The following PTPRM variants were observed in gnomAD, a reference collection of about 807,000 sequenced individuals.
PTPRM encodes the protein receptor-type tyrosine-protein phosphatase mu.
Under a neutral mutation model 186.7 loss-of-function variants are expected in PTPRM, and 47 were observed. That is an observed-to-expected ratio of 0.25 (90% CI 0.20 to 0.32). The LOEUF is 0.32. Ranked by LOEUF, PTPRM falls within the 10% of genes least tolerant of loss-of-function variation. The pLI, the probability that PTPRM is intolerant of heterozygous loss-of-function variation, is 1.00. For synonymous variants in PTPRM, 668 were observed against 674.9 expected, an observed-to-expected ratio of 0.99 and a Z score of 0.16; for missense variants, 1,494 against 1,865.0, an observed-to-expected ratio of 0.80 and a Z score of 3.66.
intron 7 of PTPRM, among the ~76,000 whole-genome samples, chr18:8,013,974 T>A (rs1168716585): frequency 6.6e-6 from 1 of 152,130 alleles, no homozygotes. Flanking sequence ...AAACATATCA[T>A]CCCGAAACTC....
chr18:7,802,288 C>G (rs1053830670), intron 2 of PTPRM, among the ~76,000 whole-genome samples: 2 of 152,190 alleles, frequency 1.3e-5, no homozygotes, highest in Non-Finnish European at 2.9e-5. Flanking sequence ...TGTGCTCTCT[C>G]TTTCCAAGGG....
intron 19 of PTPRM, among the ~76,000 whole-genome samples, chr18:8,254,344 T>A (rs2094555211): frequency 6.6e-6 from 1 of 152,232 alleles, no homozygotes; most frequent in Non-Finnish European, 1.5e-5. Flanking sequence ...AATTAATTGA[T>A]TGAAGAAATC....
intron 1 of PTPRM, among the ~76,000 whole-genome samples, chr18:7,665,023 G>A (rs57233839): frequency 0.023 from 3,498 of 152,152 alleles, 139 homozygotes; most frequent in African/African-American, 0.08. Context: ...CCTGTGGGCT[G>A]GTGTCCATGG....
intron 19 of PTPRM, among the ~76,000 whole-genome samples, chr18:8,274,862 C>T (rs2094815447): frequency 1.3e-5 from 2 of 152,168 alleles, no homozygotes; most frequent in African/African-American, 2.4e-5. Flanking sequence ...GAAGAACTCA[C>T]TGGGATTTTG....
chr18:8,041,178 C>T (rs867559419), intron 7 of PTPRM, among the ~76,000 whole-genome samples: 55 of 152,164 alleles, frequency 3.6e-4, no homozygotes, highest in Admixed American at 3.9e-4. Context: ...CCTGGCTTTG[C>T]TCAAGGATGG....
At chr18:8,275,290 A>C (rs1487233642) in intron 19 of PTPRM, among the ~76,000 whole-genome samples, 2 of 152,092 alleles carry the variant, frequency 1.3e-5, no homozygotes, top group Non-Finnish European at 2.9e-5. Context: ...AAGAAAAATT[A>C]AAAAATTAGC....
At chr18:8,061,358 G>A (rs1359919101) in intron 7 of PTPRM, among the ~76,000 whole-genome samples, 13 of 138,866 alleles carry the variant, frequency 9.4e-5, no homozygotes, top group East Asian at 4.0e-4. Context: ...GTCTCTGCAC[G>A]TGAGATGGGT....
chr18:8,251,914 C>G (rs1361694944), intron 17 of PTPRM: 1 of 152,276 alleles, frequency 6.6e-6, no homozygotes, highest in African/African-American at 2.4e-5. Flanking sequence ...TTTTAAGTGA[C>G]TTTAGCATTA....
At chr18:7,762,965 T>A (rs1361600141) in intron 1 of PTPRM, among the ~76,000 whole-genome samples, 1 of 152,182 alleles carries the variant, frequency 6.6e-6, no homozygotes, top group Non-Finnish European at 1.5e-5. Context: ...CCTATTTCCC[T>A]GGGAGTTAGG....
At chr18:8,403,589 C>T (rs550971195) in intron 32 of PTPRM, 1 of 152,238 alleles carries the variant, frequency 6.6e-6, no homozygotes, top group African/African-American at 2.4e-5. Context: ...AAAAAAATCC[C>T]CTTTTAAAGT....
rs79795554 is a variant in PTPRM, at chr18:8,109,720, G to T, written c.1857-3766G>T. The stretch of plus-strand genomic sequence containing the variant: ...GTTGTTTAAGGCAAACTAGAGCAGT[G>T]CCTGACACCTATTAGGCACTCAAAA... On this transcript the variant is annotated intron_variant, in intron 11 of 32. Coordinates refer to ENST00000580170, the MANE Select transcript of PTPRM (RefSeq NM_001105244.2). Among the ~76,000 whole-genome samples the T allele has an allele frequency of 7.0e-3, 1,072 of 152,238 alleles. 12 individuals carry two copies. The highest frequency in any genetic ancestry group is 0.025 in the African/African-American group (1,019 of 41,538).
chr18:7,851,731 T>A (rs1486636077), intron 2 of PTPRM, among the ~76,000 whole-genome samples: 2 of 152,038 alleles, frequency 1.3e-5, no homozygotes, highest in African/African-American at 4.8e-5. Context: ...AAAATGATCC[T>A]AGGTAAAGCA....
chr18:7,858,400 A>C (rs1411568987), intron 2 of PTPRM, among the ~76,000 whole-genome samples: 1 of 152,094 alleles, frequency 6.6e-6, no homozygotes, highest in African/African-American at 2.4e-5. Context: ...CTTATTAAAA[A>C]AAAAATTAAA....
At chr18:8,398,085 A>G (rs1482263387) in intron 32 of PTPRM, among the ~76,000 whole-genome samples, 1 of 151,900 alleles carries the variant, frequency 6.6e-6, no homozygotes, top group Non-Finnish European at 1.5e-5. Context: ...CCATCCTCCC[A>G]CCTCAGCCTC....
intron 15 of PTPRM, among the ~76,000 whole-genome samples, chr18:8,245,157 G>A (rs1234331101): frequency 6.6e-6 from 1 of 152,176 alleles, no homozygotes; most frequent in African/African-American, 2.4e-5. Context: ...GGTCAGTGTG[G>A]TACTGCAGCT....
intron 2 of PTPRM, among the ~76,000 whole-genome samples, chr18:7,832,922 A>G (rs2045834276): frequency 6.6e-6 from 1 of 152,054 alleles, no homozygotes; most frequent in African/African-American, 2.4e-5. Flanking sequence ...AAAAATGAGT[A>G]TACTGTAGGT....
intron 7 of PTPRM, among the ~76,000 whole-genome samples, chr18:8,038,671 C>T (rs953669870): frequency 3.9e-5 from 6 of 152,154 alleles, no homozygotes; most frequent in South Asian, 2.1e-4. Context: ...GGATTACAGG[C>T]GTGAGCCACT....
chr18:8,030,006 G>A (rs530379326), intron 7 of PTPRM, among the ~76,000 whole-genome samples: 14 of 152,208 alleles, frequency 9.2e-5, no homozygotes, highest in South Asian at 2.1e-4. Context: ...TTTTCCCTGC[G>A]AAGTAAACAG....
chr18:8,263,667 C>G (rs1470501273), intron 19 of PTPRM, among the ~76,000 whole-genome samples: 3 of 152,122 alleles, frequency 2.0e-5, no homozygotes, highest in African/African-American at 7.2e-5. Flanking sequence ...ACTTTTTCAG[C>G]CCCACACACC....
Sources: gnomAD v4.1 joint callset for allele counts (sites outside exome capture counted in the v4.1 genomes callset) on GRCh38, gnomAD v4.1.1 for gene constraint, MANE v1.5 for transcripts, NCBI Gene and HGNC (gene_info 2026-07-23, HGNC 2026-07-21) for gene names.